The following MSRB3 variants were observed in gnomAD, a reference collection of about 807,000 sequenced individuals.
The protein encoded by MSRB3 is methionine sulfoxide reductase B3, also known as methionine-R-sulfoxide reductase B3.
Under a neutral mutation model 21.0 loss-of-function variants are expected in MSRB3, and 13 were observed. That is an observed-to-expected ratio of 0.62 (90% CI 0.40 to 0.98). The LOEUF is 0.98. MSRB3 is among the 50% of genes least tolerant of loss of function. The pLI, the probability that MSRB3 is intolerant of heterozygous loss-of-function variation, is 0.00. For missense variants in MSRB3, 199 were observed against 230.3 expected, an observed-to-expected ratio of 0.86 and a Z score of 0.88; for synonymous variants, 87 against 88.6, an observed-to-expected ratio of 0.98 and a Z score of 0.10.
At chr12:65,393,579 C>T (rs989287520) in intron 5 of MSRB3, among the ~76,000 whole-genome samples, 3 of 140,738 alleles carry the variant, frequency 2.1e-5, no homozygotes, top group South Asian at 2.2e-4. Context: ...TGCGGTGAGC[C>T]GAGATCACGC....
chr12:65,279,092 A>T (rs1442906866), intron 1 of MSRB3: 4 of 1,380,936 alleles, frequency 2.9e-6, no homozygotes, highest in East Asian at 5.7e-5. Flanking sequence ...GTTTCCCCCC[A>T]CCCGCCGAAG....
At chr12:65,334,621 A>AT (rs1268000002) in intron 4 of MSRB3, among the ~76,000 whole-genome samples, 1 of 152,168 alleles carries the variant, frequency 6.6e-6, no homozygotes, top group Admixed American at 6.5e-5. Flanking sequence ...AAGTGTCTCA[A>AT]TGTGGGAAGG....
At chr12:65,434,910 A>G (rs1882048190) in intron 5 of MSRB3, among the ~76,000 whole-genome samples, 1 of 151,932 alleles carries the variant, frequency 6.6e-6, no homozygotes, top group African/African-American at 2.4e-5. Flanking sequence ...CATGCATAGT[A>G]GAGCCGGGAT....
At chr12:65,456,682 G>A (rs955003596) in intron 6 of MSRB3, among the ~76,000 whole-genome samples, 1 of 152,166 alleles carries the variant, frequency 6.6e-6, no homozygotes, top group Non-Finnish European at 1.5e-5. Flanking sequence ...GAAAGTGTTT[G>A]ACTCTTTCTT....
At chr12:65,309,277 G>A (rs1873842679) in intron 2 of MSRB3, among the ~76,000 whole-genome samples, 1 of 152,148 alleles carries the variant, frequency 6.6e-6, no homozygotes, top group Non-Finnish European at 1.5e-5. Context: ...ATATGCGCCT[G>A]TATCATAAGC....
At chr12:65,352,174 A>T (rs1276698661) in intron 4 of MSRB3, among the ~76,000 whole-genome samples, 1 of 152,194 alleles carries the variant, frequency 6.6e-6, no homozygotes, top group East Asian at 1.9e-4. Flanking sequence ...CAAATCAATA[A>T]ATGTAATCCA....
intron 1 of MSRB3, among the ~76,000 whole-genome samples, chr12:65,289,233 G>A (rs546313449): frequency 5.3e-5 from 8 of 152,252 alleles, no homozygotes; most frequent in Non-Finnish European, 1.0e-4. Flanking sequence ...GGTGGCTCAC[G>A]CCTGTATTCC....
intron 4 of MSRB3, among the ~76,000 whole-genome samples, chr12:65,355,844 A>C (rs1877351487): frequency 6.6e-6 from 1 of 151,902 alleles, no homozygotes; most frequent in African/African-American, 2.4e-5. Context: ...TGCATCTTTC[A>C]GTATGAACGA....
intron 1 of MSRB3, among the ~76,000 whole-genome samples, chr12:65,288,905 T>C (rs995182677): frequency 4.6e-5 from 7 of 152,226 alleles, no homozygotes; most frequent in African/African-American, 9.6e-5. Context: ...AATTCACTTA[T>C]AAGATTTGTC....
intron 4 of MSRB3, among the ~76,000 whole-genome samples, chr12:65,360,510 A>T (rs555369947): frequency 5.3e-5 from 8 of 152,118 alleles, no homozygotes; most frequent in Admixed American, 4.6e-4. Context: ...CTTACAAATT[A>T]TTTATTTTTT....
intron 2 of MSRB3, among the ~76,000 whole-genome samples, chr12:65,323,893 G>A (rs901468829): frequency 6.6e-6 from 1 of 152,040 alleles, no homozygotes; most frequent in African/African-American, 2.4e-5. Context: ...TTATTAAATG[G>A]TGTGGCAAGA....
chr12:65,361,434 G>A (rs1014643548), intron 4 of MSRB3, among the ~76,000 whole-genome samples: 2 of 152,124 alleles, frequency 1.3e-5, no homozygotes, highest in South Asian at 2.1e-4. Context: ...ACAAGAAATA[G>A]ACCTATTTGC....
intron 5 of MSRB3, among the ~76,000 whole-genome samples, chr12:65,376,038 C>G (rs1196940598): frequency 6.6e-6 from 1 of 151,186 alleles, no homozygotes; most frequent in African/African-American, 2.4e-5. Flanking sequence ...CAACCTGATT[C>G]ATGATAATTA....
At chr12:65,379,168 TTCCATCCA>T (rs58173378) in intron 5 of MSRB3, among the ~76,000 whole-genome samples, 53,490 of 148,206 alleles carry the variant, frequency 0.36, 9,967 homozygotes, top group South Asian at 0.51. Context: ...TCAACCATCC[TTCCATCCA>T]TCCATCCATC....
chr12:65,384,781 T>C (rs1287389976), intron 5 of MSRB3, among the ~76,000 whole-genome samples: 1 of 152,154 alleles, frequency 6.6e-6, no homozygotes, highest in African/African-American at 2.4e-5. Flanking sequence ...ACATAAAAGA[T>C]CTAAGATTAT....
intron 1 of MSRB3, among the ~76,000 whole-genome samples, chr12:65,289,980 C>A (rs986316325): frequency 1.3e-5 from 2 of 152,130 alleles, no homozygotes; most frequent in Non-Finnish European, 2.9e-5. Flanking sequence ...ACTCATCTTT[C>A]TAAAACTTAG....
At chr12:65,408,131 G>A (rs555719351) in intron 5 of MSRB3, among the ~76,000 whole-genome samples, 1 of 152,066 alleles carries the variant, frequency 6.6e-6, no homozygotes, top group East Asian at 1.9e-4. Context: ...GTCTTACTCT[G>A]TCACCCAGGC....
At chr12:65,326,022 TC>T (rs1875003676) in intron 2 of MSRB3, among the ~76,000 whole-genome samples, 1 of 152,336 alleles carries the variant, frequency 6.6e-6, no homozygotes. Context: ...AGTAAAGTCT[TC>T]CTAGATATAC....
intron 4 of MSRB3, among the ~76,000 whole-genome samples, chr12:65,329,039 C>T (rs1009668137): frequency 5.9e-5 from 9 of 152,112 alleles, no homozygotes; most frequent in African/African-American, 1.9e-4. Flanking sequence ...AAGGGAAATA[C>T]CTGTATTGAA....
Sources: allele counts gnomAD v4.1 joint callset (sites outside exome capture counted in the v4.1 genomes callset), GRCh38; gene constraint gnomAD v4.1.1; transcripts MANE v1.5; gene names NCBI Gene and HGNC (gene_info 2026-07-23, HGNC 2026-07-21).